Variants in TMED8 observed in about 807,000 individuals in gnomAD.
TMED8 encodes transmembrane p24 trafficking protein family member 8, also known as protein TMED8.
In TMED8, 15 loss-of-function variants were observed where a neutral mutation model predicts 32.7. The ratio of observed to expected loss-of-function variants is 0.46; its 90% CI spans 0.31 to 0.71. TMED8 has a LOEUF of 0.71. Ranked by LOEUF, TMED8 falls within the 30% of genes least tolerant of loss-of-function variation. The probability of loss-of-function intolerance (pLI) is 0.06; values close to 1 mark genes in which losing one functional copy is unlikely to be tolerated. For synonymous variants in TMED8, 147 were observed against 161.4 expected (o/e 0.91, Z 0.68); for missense variants, 390 against 423.9 (o/e 0.92, Z 0.70).
intron 1 of TMED8, among the ~76,000 whole-genome samples, chr14:77,370,446 C>T (rs888626798): frequency 3.3e-5 from 5 of 152,054 alleles, no homozygotes; most frequent in Admixed American, 6.6e-5. Context: ...ATGTCAGTTC[C>T]TGATGAGCAG....
At position 77,343,419 on chromosome 14, in the gene TMED8, G is replaced by C; in HGVS notation, c.519C>G (p.Ser173Arg). 2 of 1,613,844 alleles carry C rather than the reference G, an allele frequency of 1.2e-6. No individual in the cohort carries two copies. The highest frequency in any genetic ancestry group is 2.2e-5 in the South Asian group (2 of 91,042). The change falls in exon 5 of 6, where the codon AGC becomes AGG. Residue 173 changes from serine (S) to arginine (R), a missense_variant. By Grantham distance (110) the Ser-to-Arg change is moderately radical. Coordinates refer to ENST00000216468, the MANE Select transcript of TMED8 (RefSeq NM_213601.3). ...WTFAKVKEFKSKLGKEKNSRL... is the reference protein window; with the variant it reads ...WTFAKVKEFKRKLGKEKNSRL... ...GGCTGTTCTTCTCTTTGCCCAGCTT[G>C]CTTTTGAATTCCTTCACCTTGGCAA...
rs370626867 is a variant in TMED8, at chr14:77,373,899, GTC to G, written c.118+3035_118+3036del. 7.5e-3 allele frequency among the ~76,000 whole-genome samples: 1,132 copies of G among 151,184 alleles called. 9 individuals are homozygous for G. Among genetic ancestry groups the G allele is most frequent in the Non-Finnish European group, 0.01 (699 of 67,668 alleles). On this transcript the variant is annotated intron_variant, in intron 1 of 5. Coordinates refer to ENST00000216468, the MANE Select transcript of TMED8 (RefSeq NM_213601.3). ...TTAAAAGAGTCTGGGACCTCCTCCC[GTC>G]TCTCTCTCTCTCACTCCCAACTCTC...
chr14:77,341,613 G>T lies in TMED8; in HGVS notation c.*158C>A. ...CACCACCTGCAGAAGCCAAGAAGGG[G>T]AAAAAGCTACGTGGGCCAACAGTCA... On this transcript the variant is annotated 3_prime_UTR_variant, in exon 6 of 6. Coordinates refer to ENST00000216468, the MANE Select transcript of TMED8 (RefSeq NM_213601.3). 2.9e-6 allele frequency: 2 copies of T among 688,554 alleles called. No individual in the cohort carries two copies. Among genetic ancestry groups the T allele is most frequent in the Non-Finnish European group, 4.9e-6 (2 of 404,634 alleles). 42.7% of individuals were successfully genotyped at this position (688,554 alleles called of 1,614,324 possible). A position where few individuals can be genotyped will look rare whatever the true frequency, so the allele number is the denominator to read the frequency against.
Position 77,376,996 on chromosome 14 carries a change from C to T in TMED8, c.58G>A (p.Gly20Arg). 1.4e-6 allele frequency: 2 copies of T among 1,438,774 alleles called. No individual in the cohort carries two copies. The highest frequency in any genetic ancestry group is 1.8e-6 in the Non-Finnish European group (2 of 1,104,716). The allele number at this position is 1,438,774 out of a possible 1,614,324, so 89.1% of individuals were successfully genotyped here. ...PGSWSPTARP[G>R]SAGGVGDCQG... ...CAGTCCCCGACGCCGCCAGCCGACC[C>T]TGGGCGGGCTGTGGGGCTCCAGGAG... Residue 20 changes from glycine (G) to arginine (R), a missense_variant, in exon 1 of 6, where the codon GGG (glycine) becomes AGG (arginine). Physicochemically the swap from Gly to Arg is moderately radical, Grantham distance 125 (BLOSUM62 -2). Transcript: ENST00000216468. This position sits in a 1 kb window ranked among gnomAD's most constrained non-coding sequence, Gnocchi z 4.0.
chr14:77,355,173 T>TG (rs1893265607), intron 1 of TMED8, among the ~76,000 whole-genome samples: 1 of 151,040 alleles, frequency 6.6e-6, no homozygotes, highest in Non-Finnish European at 1.5e-5. Flanking sequence ...TGTGTGTGTG[T>TG]TTCTGAAAGG....
At chr14:77,365,802 TA>T (rs1419896216) in intron 1 of TMED8, among the ~76,000 whole-genome samples, 1 of 152,188 alleles carries the variant, frequency 6.6e-6, no homozygotes, top group Non-Finnish European at 1.5e-5. Context: ...AGGTGATGAA[TA>T]ATTTTAAGCT....
chr14:77,355,220 T>C (rs1594847054), intron 1 of TMED8, among the ~76,000 whole-genome samples: 1 of 145,510 alleles, frequency 6.9e-6, no homozygotes, highest in Admixed American at 7.2e-5. Flanking sequence ...TTTTGAGACA[T>C]AGTCTTGCTC....
intron 1 of TMED8, among the ~76,000 whole-genome samples, chr14:77,359,232 C>G (rs117910150): frequency 0.039 from 6,005 of 152,266 alleles, 181 homozygotes; most frequent in Non-Finnish European, 0.063. Flanking sequence ...TATCACTTAA[C>G]AACACAGCCT....
At chr14:77,346,242 G>GA in intron 3 of TMED8, 107 bp downstream of exon 3, 1 of 1,204,270 alleles carries the variant, frequency 8.3e-7, no homozygotes, top group Non-Finnish European at 1.1e-6. Context: ...GGCAAAGAGA[G>GA]AATTCCGGGA....
chr14:77,351,823 A>G, intron 1 of TMED8, 72 bp from the exon 2 acceptor site: 2 of 1,342,012 alleles, frequency 1.5e-6, no homozygotes, highest in Non-Finnish European at 2.0e-6. Context: ...GTACCTTTAA[A>G]AAAATCTAGC....
chr14:77,359,737 T>G (rs1378459155), intron 1 of TMED8: 1 of 250,592 alleles, frequency 4.0e-6, no homozygotes, highest in Non-Finnish European at 7.9e-6. Context: ...TCCACATGAT[T>G]ATCTGGAGAT....
intron 3 of TMED8, 83 bp from the exon 4 acceptor site, chr14:77,343,906 C>T: frequency 6.8e-7 from 1 of 1,462,878 alleles, no homozygotes; most frequent in Non-Finnish European, 9.3e-7. Flanking sequence ...TGCCCCACCC[C>T]TGCTCTATTA....
chr14:77,371,988 G>A (rs1893686790), intron 1 of TMED8, among the ~76,000 whole-genome samples: 1 of 152,112 alleles, frequency 6.6e-6, no homozygotes, highest in African/African-American at 2.4e-5. Flanking sequence ...AAACTTTTAA[G>A]TGTCAATCAA....
At chr14:77,370,299 T>C (rs902936986) in intron 1 of TMED8, among the ~76,000 whole-genome samples, 1 of 152,174 alleles carries the variant, frequency 6.6e-6, no homozygotes, top group African/African-American at 2.4e-5. Flanking sequence ...TTCAAAAAGG[T>C]TAAATTTTTA....
In TMED8 at chr14:77,343,386, C is replaced by T. The variant is rs1485172228; in HGVS notation, c.552G>A (p.Val184=). ...KLGKEKNSRL[V]VKRGEVVTIR... is the part of the protein sequence containing the mutation. ...TGGTCACCACCTCACCACGCTTCAC[C>T]ACCAGACGGCTGTTCTTCTCTTTGC... The change falls in exon 5 of 6, where the codon GTG becomes GTA. Residue 184 remains valine (V), a synonymous_variant. Transcript: ENST00000216468. 2 of 1,614,128 alleles carry T rather than the reference C, an allele frequency of 1.2e-6. No individual in the cohort carries two copies. Among genetic ancestry groups the T allele is most frequent in the Admixed American group, 1.7e-5 (1 of 60,014 alleles).
chr14:77,368,500 C>T (rs879792649), intron 1 of TMED8, among the ~76,000 whole-genome samples: 20 of 151,546 alleles, frequency 1.3e-4, no homozygotes, highest in Non-Finnish European at 2.2e-4. Context: ...ATTTTTGAGA[C>T]GGAGTCTCAC....
chr14:77,337,158 G>A lies in TMED8; in HGVS notation c.*4613C>T, dbSNP rs1178378129. ...ACTAAGAATGGTCTAATTCCAAATT[G>A]CTACCTACTTCCATGATAAAGCTAC... On this transcript the variant is annotated 3_prime_UTR_variant, in exon 6 of 6. Transcript: ENST00000216468. The A allele has an allele frequency of 2.0e-5, 3 of 152,088 alleles. No individual in the cohort carries two copies. The highest frequency in any genetic ancestry group is 6.5e-5 in the Admixed American group (1 of 15,278). The allele number at this position is 152,088 out of a possible 1,614,324, so 9.4% of individuals were successfully genotyped here. A position where few individuals can be genotyped will look rare whatever the true frequency, so the allele number is the denominator to read the frequency against.
chr14:77,372,664 GA>G (rs1302486651), intron 1 of TMED8, among the ~76,000 whole-genome samples: 3 of 151,734 alleles, frequency 2.0e-5, no homozygotes, highest in African/African-American at 7.3e-5. Context: ...TGTTTAGACT[GA>G]ATCACGACAT....
At position 77,343,385 on chromosome 14, in the gene TMED8, C is replaced by T. The variant is rs142780114; in HGVS notation, c.553G>A (p.Val185Met). The change falls in exon 5 of 6, where the codon GTG (valine) becomes ATG (methionine). Residue 185 changes from valine to methionine, a missense_variant. Coordinates refer to ENST00000216468, the MANE Select transcript of TMED8 (RefSeq NM_213601.3). ...LGKEKNSRLV[V>M]KRGEVVTIRV... The stretch of plus-strand genomic sequence containing the variant: ...ATGGTCACCACCTCACCACGCTTCA[C>T]CACCAGACGGCTGTTCTTCTCTTTG... 2 of 1,614,112 alleles carry T rather than the reference C, an allele frequency of 1.2e-6. No homozygotes were observed. Among genetic ancestry groups the T allele is most frequent in the Non-Finnish European group, 1.7e-6 (2 of 1,180,016 alleles).
Sources: gnomAD v4.1 joint callset for allele counts (sites outside exome capture counted in the v4.1 genomes callset) on GRCh38, gnomAD v4.1.1 for gene constraint, Gnocchi (gnomAD v3.1) non-coding constraint, MANE v1.5 for transcripts, NCBI Gene and HGNC (gene_info 2026-07-23, HGNC 2026-07-21) for gene names.